The following NXPE4 variants were observed in gnomAD, a reference collection of about 807,000 sequenced individuals.
The protein encoded by NXPE4 is NXPE family member 4.
Under a neutral mutation model 33.3 loss-of-function variants are expected in NXPE4, and 42 were observed. That is an observed-to-expected ratio of 1.26 (90% CI 0.98 to 1.63). The LOEUF (loss-of-function observed/expected upper bound fraction) is 1.63. Among genes scored for constraint, NXPE4 ranks in the 40% most tolerant of loss-of-function variants. The pLI is 0.00. For synonymous variants in NXPE4, 253 were observed against 234.9 expected, an observed-to-expected ratio of 1.08 and a Z score of -0.71; for missense variants, 709 against 647.6, an observed-to-expected ratio of 1.09 and a Z score of -1.03.
chr11:114,580,404 G>A, intron 4 of NXPE4, 66 bp from the exon 5 acceptor site: 1 of 1,399,642 alleles, frequency 7.1e-7, no homozygotes. Context: ...TGTATTAAGA[G>A]CCTTCTATCC....
At chr11:114,593,769 A>T (rs1456120648) in intron 2 of NXPE4, among the ~76,000 whole-genome samples, 1 of 152,180 alleles carries the variant, frequency 6.6e-6, no homozygotes, top group African/African-American at 2.4e-5. Flanking sequence ...TTTGTAAGCA[A>T]CCTAAGTGTC....
the NXPE4 span, among the ~76,000 whole-genome samples, chr11:114,664,439 C>T: frequency 2.7e-5 from 4 of 150,520 alleles, no homozygotes; most frequent in African/African-American, 9.7e-5. Context: ...TCGAAACTTA[C>T]AACTGTAAAC....
chr11:114,649,361 C>T, the NXPE4 span, among the ~76,000 whole-genome samples: 4 of 152,086 alleles, frequency 2.6e-5, no homozygotes, highest in African/African-American at 7.2e-5. Context: ...AATGGATAGA[C>T]ACAATGTGGC....
chr11:114,651,786 T>A, the NXPE4 span, among the ~76,000 whole-genome samples: 2 of 152,174 alleles, frequency 1.3e-5, no homozygotes, highest in African/African-American at 4.8e-5. Flanking sequence ...TTTACAAACC[T>A]TTAGCTAGAC....
chr11:114,570,866 G>A lies in NXPE4; in HGVS notation c.*72C>T. ...AGTTGGGAATTCAGAGCCAAACACA[G>A]CATCTGGCCTGCTAGTAGACAGTCA... On this transcript the variant is annotated 3_prime_UTR_variant, in exon 6 of 6. Transcript: ENST00000375478. The A allele has an allele frequency of 9.4e-7, 1 of 1,068,310 alleles. No individual in the cohort carries two copies. Among genetic ancestry groups the A allele is most frequent in the Admixed American group, 2.6e-5 (1 of 39,048 alleles). 66.2% of individuals were successfully genotyped at this position (1,068,310 alleles called of 1,614,324 possible). A position where few individuals can be genotyped will look rare whatever the true frequency, so the allele number is the denominator to read the frequency against.
the NXPE4 span, among the ~76,000 whole-genome samples, chr11:114,623,320 A>C: frequency 6.6e-6 from 1 of 152,020 alleles, no homozygotes. Context: ...CTCTAGGGTA[A>C]TCACTGTTAC....
In NXPE4 at chr11:114,595,183, T is replaced by A. The variant is rs113210211; in HGVS notation, c.-11+409A>T. On this transcript the variant is annotated intron_variant, in intron 1 of 5. Transcript: ENST00000375478. Reference sequence around the variant, plus strand: ...GAGAACCACATCATTACAGTGCCTGTTGAATGCAAATTAGTTTTTCTGTTT... The same window carrying A: ...GAGAACCACATCATTACAGTGCCTGATGAATGCAAATTAGTTTTTCTGTTT... Among the ~76,000 whole-genome samples the A allele has an allele frequency of 1.9e-3, 293 of 152,302 alleles. 1 individual carries two copies. Among genetic ancestry groups the A allele is most frequent in the African/African-American group, 6.8e-3 (281 of 41,566 alleles).
At chr11:114,619,377 CCTGGGTAACCA>C in the NXPE4 span, among the ~76,000 whole-genome samples, 1 of 151,232 alleles carries the variant, frequency 6.6e-6, no homozygotes, top group Non-Finnish European at 1.5e-5. Flanking sequence ...AGTGTTGCCA[CCTGGGTAACCA>C]CTGTTACCCA....
chr11:114,668,592 G>A, the NXPE4 span, among the ~76,000 whole-genome samples: 1 of 152,026 alleles, frequency 6.6e-6, no homozygotes, highest in African/African-American at 2.4e-5. Context: ...CAGCCATAAG[G>A]TATATAAGGG....
At chr11:114,651,373 TTCGTGGTC>T in the NXPE4 span, among the ~76,000 whole-genome samples, 15 of 152,030 alleles carry the variant, frequency 9.9e-5, no homozygotes, top group Non-Finnish European at 2.1e-4. Flanking sequence ...TCCTGGTGGG[TTCGTGGTC>T]TCGTGGTCTC....
At chr11:114,612,564 C>T in the NXPE4 span, among the ~76,000 whole-genome samples, 1 of 151,866 alleles carries the variant, frequency 6.6e-6, no homozygotes, top group South Asian at 2.1e-4. Context: ...TCATGGGTAA[C>T]CACTGTTACC....
At chr11:114,601,876 A>ATATATAATATATATTATATTTATATATAT in the NXPE4 span, among the ~76,000 whole-genome samples, 2 of 4,642 alleles carry the variant, frequency 4.3e-4, no homozygotes, top group African/African-American at 1.4e-3. Flanking sequence ...TATATATATT[A>ATATATAATATATATTATATTTATATATAT]TATATAATTA....
chr11:114,668,738 A>G, the NXPE4 span, among the ~76,000 whole-genome samples: 1 of 152,272 alleles, frequency 6.6e-6, no homozygotes, highest in East Asian at 1.9e-4. Flanking sequence ...GTTAATCTTT[A>G]GTGAATATTG....
At chr11:114,640,466 G>T in the NXPE4 span, among the ~76,000 whole-genome samples, 2 of 151,490 alleles carry the variant, frequency 1.3e-5, no homozygotes, top group Non-Finnish European at 2.9e-5. Flanking sequence ...CCTCTGGGTA[G>T]ACACCAAGTA....
chr11:114,595,458 C>T (rs1370650363), intron 1 of NXPE4, 134 bp downstream of exon 1: 1 of 152,250 alleles, frequency 6.6e-6, no homozygotes, highest in East Asian at 1.9e-4. Flanking sequence ...TTCCATCCCT[C>T]AAAATTTACC....
chr11:114,651,751 T>C, the NXPE4 span, among the ~76,000 whole-genome samples: 2 of 152,152 alleles, frequency 1.3e-5, no homozygotes, highest in African/African-American at 4.8e-5. Flanking sequence ...GATTGGTGTG[T>C]TTTTACAGAG....
At chr11:114,626,615 C>T in the NXPE4 span, among the ~76,000 whole-genome samples, 1 of 152,178 alleles carries the variant, frequency 6.6e-6, no homozygotes, top group African/African-American at 2.4e-5. Flanking sequence ...AGCAGAGCGC[C>T]TCTCCTCCTC....
the NXPE4 span, among the ~76,000 whole-genome samples, chr11:114,638,487 A>G: frequency 0.67 from 102,386 of 151,830 alleles, 34,910 homozygotes; most frequent in African/African-American, 0.75. Context: ...TCTCCGTCCA[A>G]CTTTGTTCCA....
the NXPE4 span, among the ~76,000 whole-genome samples, chr11:114,632,974 T>C: frequency 9.6e-6 from 1 of 103,790 alleles, no homozygotes; most frequent in Non-Finnish European, 1.7e-5. Context: ...ATATATTATA[T>C]ATTATATATT....
Sources: allele counts gnomAD v4.1 joint callset (sites outside exome capture counted in the v4.1 genomes callset), GRCh38; gene constraint gnomAD v4.1.1; transcripts MANE v1.5; gene names NCBI Gene and HGNC (gene_info 2026-07-23, HGNC 2026-07-21).